The following FIG4 variants were observed in gnomAD, a reference collection of about 807,000 sequenced individuals.
FIG4 encodes the protein FIG4 phosphoinositide 5-phosphatase, also known as polyphosphoinositide phosphatase.
Under a neutral mutation model 118.6 loss-of-function variants are expected in FIG4, and 112 were observed. That is an observed-to-expected ratio of 0.94 (90% CI 0.81 to 1.11). The LOEUF (loss-of-function observed/expected upper bound fraction) is 1.11. Among genes scored for constraint, FIG4 ranks in the 50% least tolerant of loss-of-function variants. The probability of loss-of-function intolerance (pLI) is 0.00; values close to 1 mark genes in which losing one functional copy is unlikely to be tolerated. For missense variants in FIG4, 969 were observed against 1,111.7 expected (o/e 0.87, Z 1.83); for synonymous variants, 369 against 381.2 (o/e 0.97, Z 0.37).
chr6:109,792,813 C>G, intron 21 of FIG4, 149 bp downstream of exon 21: 1 of 565,992 alleles, frequency 1.8e-6, no homozygotes, highest in Non-Finnish European at 3.1e-6. Flanking sequence ...GATCTCGGCT[C>G]CTGAGTAGCT....
intron 1 of FIG4, among the ~76,000 whole-genome samples, chr6:109,706,770 A>G (rs1383654474): frequency 1.3e-5 from 2 of 152,134 alleles, no homozygotes; most frequent in African/African-American, 2.4e-5. Context: ...CAAACATACC[A>G]TCTTCTTCCC....
At chr6:109,751,267 C>T (rs529512517) in intron 10 of FIG4, among the ~76,000 whole-genome samples, 69 of 152,254 alleles carry the variant, frequency 4.5e-4, no homozygotes, top group African/African-American at 1.6e-3. Context: ...TCCCATATGC[C>T]AGCTGTTCTA....
intron 15 of FIG4, among the ~76,000 whole-genome samples, chr6:109,772,581 C>T (rs1017926743): frequency 5.3e-5 from 8 of 152,066 alleles, no homozygotes; most frequent in Admixed American, 1.3e-4. Context: ...CTCAGCCTTC[C>T]GAGTAGCTGG....
intron 21 of FIG4, among the ~76,000 whole-genome samples, chr6:109,795,628 G>T (rs1430750521): frequency 1.2e-5 from 1 of 81,806 alleles, no homozygotes; most frequent in African/African-American, 4.5e-5. Context: ...TTTTGAGACA[G>T]TCTCTCTCTG....
At chr6:109,740,671 C>G (rs1776296380) in intron 7 of FIG4, among the ~76,000 whole-genome samples, 1 of 152,116 alleles carries the variant, frequency 6.6e-6, no homozygotes, top group Admixed American at 6.6e-5. Flanking sequence ...CTCAGTATTA[C>G]ATATTATTCA....
chr6:109,740,961 C>T (rs1216467394), intron 7 of FIG4, among the ~76,000 whole-genome samples: 1 of 152,062 alleles, frequency 6.6e-6, no homozygotes, highest in Admixed American at 6.6e-5. Context: ...GGAAGTGCCA[C>T]ACACTTGCAA....
At chr6:109,744,903 G>A (rs780963171) in intron 10 of FIG4, among the ~76,000 whole-genome samples, 48 of 149,326 alleles carry the variant, frequency 3.2e-4, no homozygotes, top group Non-Finnish European at 6.1e-4. Flanking sequence ...TTGATTTCCT[G>A]TTCCTGTGTT....
At chr6:109,757,086 C>T (rs970436913) in intron 10 of FIG4, among the ~76,000 whole-genome samples, 8 of 152,120 alleles carry the variant, frequency 5.3e-5, no homozygotes, top group Admixed American at 4.6e-4. Flanking sequence ...TGGCTCCTCC[C>T]CCTCTCTTTT....
chr6:109,776,830 A>G, intron 15 of FIG4, 92 bp from the exon 16 acceptor site: 1 of 990,866 alleles, frequency 1.0e-6, no homozygotes, highest in Middle Eastern at 3.1e-4. Flanking sequence ...TATAAATACT[A>G]CTTTTGTACC....
chr6:109,791,354 T>C, intron 19 of FIG4, 22 bp from the exon 20 acceptor site: 1 of 1,603,810 alleles, frequency 6.2e-7, no homozygotes, highest in Non-Finnish European at 8.5e-7. Flanking sequence ...GATGCTTCAC[T>C]TCCATATTAT....
At chr6:109,725,371 G>A (rs936518423) in intron 3 of FIG4, among the ~76,000 whole-genome samples, 2 of 152,106 alleles carry the variant, frequency 1.3e-5, no homozygotes, top group African/African-American at 2.4e-5. Flanking sequence ...TTCTGTTCCT[G>A]TGTCAGTTTG....
At chr6:109,733,807 C>T (rs62437564) in intron 5 of FIG4, among the ~76,000 whole-genome samples, 5 of 151,886 alleles carry the variant, frequency 3.3e-5, no homozygotes, top group Non-Finnish European at 7.4e-5. Context: ...TATTGAAGCT[C>T]AGTGCTATTG....
intron 10 of FIG4, among the ~76,000 whole-genome samples, chr6:109,748,012 C>G (rs900602646): frequency 6.6e-6 from 1 of 152,102 alleles, no homozygotes; most frequent in Admixed American, 6.6e-5. Flanking sequence ...TATTTGTGAG[C>G]ATGCACATTC....
At chr6:109,801,862 T>C (rs1778437201) in intron 22 of FIG4, among the ~76,000 whole-genome samples, 1 of 152,202 alleles carries the variant, frequency 6.6e-6, no homozygotes, top group South Asian at 2.1e-4. Flanking sequence ...CCTCCATTGA[T>C]TTCATCTGGA....
Position 109,776,906 on chromosome 6 carries a change from A to G in FIG4, c.1751-16A>G, listed in dbSNP as rs200778905. On this transcript the variant is annotated splice_polypyrimidine_tract_variant and intron_variant, in intron 15 of 22. Transcript: ENST00000230124. ...ATCAGTAATGGATTTTCTGAAATAT[A>G]TATTTTGCTTTTTAGATGCCGATAG... 1.2e-4 allele frequency: 198 copies of G among 1,602,534 alleles called. No individual in the cohort carries two copies. The highest frequency in any genetic ancestry group is 8.7e-4 in the Middle Eastern group (5 of 5,738).
chr6:109,732,468 T>C (rs1291134574), intron 4 of FIG4, among the ~76,000 whole-genome samples, 169 bp from the exon 5 acceptor site: 1 of 152,196 alleles, frequency 6.6e-6, no homozygotes, highest in Non-Finnish European at 1.5e-5. Context: ...AAAGGGATGA[T>C]CAATAGACCT....
At chr6:109,750,475 T>C (rs1562661107) in intron 10 of FIG4, among the ~76,000 whole-genome samples, 1 of 150,898 alleles carries the variant, frequency 6.6e-6, no homozygotes, top group Non-Finnish European at 1.5e-5. Context: ...TCTACAAAAT[T>C]TTTTTTTTTC....
chr6:109,758,786 C>T (rs767398228), intron 10 of FIG4, among the ~76,000 whole-genome samples: 6 of 152,052 alleles, frequency 3.9e-5, no homozygotes, highest in Non-Finnish European at 7.4e-5. Flanking sequence ...AAAAAGTAGG[C>T]GAAGGATATG....
chr6:109,786,150 T>C, intron 17 of FIG4, 152 bp from the exon 18 acceptor site: 1 of 642,532 alleles, frequency 1.6e-6, no homozygotes. Context: ...TTTCTAACTG[T>C]GTAAGTGTTG....
Sources: allele counts gnomAD v4.1 joint callset (sites outside exome capture counted in the v4.1 genomes callset), GRCh38; gene constraint gnomAD v4.1.1; transcripts MANE v1.5; gene names NCBI Gene and HGNC (gene_info 2026-07-23, HGNC 2026-07-21).